KCNMA1: variants seen among roughly 807,000 people sequenced by gnomAD.
KCNMA1 encodes Calcium-activated potassium channel subunit alpha-1.
In KCNMA1, 29 loss-of-function variants were observed where a neutral mutation model predicts 140.0. That is an observed-to-expected ratio of 0.21 (90% confidence interval 0.15 to 0.28). The LOEUF (loss-of-function observed/expected upper bound fraction) is 0.28, where lower values mean the gene tolerates loss of function less well. Among genes scored for constraint, KCNMA1 ranks in the 10% least tolerant of loss-of-function variants. The probability of loss-of-function intolerance (pLI) is 1.00; values close to 1 mark genes in which losing one functional copy is unlikely to be tolerated. For missense variants in KCNMA1, 880 were observed against 1,602.2 expected (o/e 0.55, Z 7.70); for synonymous variants, 612 against 611.9 (o/e 1.00, Z 0.00).
At chr10:77,490,209 T>C (rs2098515443) in intron 1 of KCNMA1, among the ~76,000 whole-genome samples, 1 of 152,212 alleles carries the variant, frequency 6.6e-6, no homozygotes, top group African/African-American at 2.4e-5. Context: ...TCGAGAATTA[T>C]TGGGTTTACA....
intron 19 of KCNMA1, among the ~76,000 whole-genome samples, chr10:76,982,924 C>T (rs751459952): frequency 1.3e-5 from 2 of 152,070 alleles, no homozygotes; most frequent in Non-Finnish European, 1.5e-5. Flanking sequence ...AGAGCTTATT[C>T]AACAGGAAAA....
intron 2 of KCNMA1, among the ~76,000 whole-genome samples, chr10:77,344,940 A>G (rs985144223): frequency 6.6e-6 from 1 of 152,194 alleles, no homozygotes. Context: ...TAATAATAAC[A>G]ATCATGTGTT....
intron 2 of KCNMA1, among the ~76,000 whole-genome samples, chr10:77,261,085 A>C (rs2061887289): frequency 6.6e-6 from 1 of 152,184 alleles, no homozygotes; most frequent in Non-Finnish European, 1.5e-5. Flanking sequence ...GGTCTCTATC[A>C]GTATTTATTA....
chr10:77,187,815 T>C (rs1274509410), intron 3 of KCNMA1, among the ~76,000 whole-genome samples: 1 of 152,102 alleles, frequency 6.6e-6, no homozygotes, highest in East Asian at 1.9e-4. Context: ...GAACTGTTTA[T>C]CAGATCCCCT....
chr10:76,969,179 G>A (rs1329669656), intron 20 of KCNMA1, among the ~76,000 whole-genome samples: 1 of 148,234 alleles, frequency 6.7e-6, no homozygotes, highest in African/African-American at 2.5e-5. Flanking sequence ...GCAGAACGCT[G>A]TTGAAATTTG....
intron 6 of KCNMA1, among the ~76,000 whole-genome samples, chr10:77,115,806 A>G (rs2097448007): frequency 6.6e-6 from 1 of 152,204 alleles, no homozygotes; most frequent in South Asian, 2.1e-4. Context: ...TATTTTTATG[A>G]CATCAGTATT....
intron 5 of KCNMA1, among the ~76,000 whole-genome samples, chr10:77,172,730 A>G (rs1437005250): frequency 6.6e-6 from 1 of 151,908 alleles, no homozygotes; most frequent in Non-Finnish European, 1.5e-5. Flanking sequence ...AGCCAAGAGT[A>G]GAGCCCCATG....
chr10:77,307,771 G>A (rs967457598), intron 2 of KCNMA1, among the ~76,000 whole-genome samples: 2 of 152,046 alleles, frequency 1.3e-5, no homozygotes, highest in Admixed American at 6.6e-5. Context: ...GGATGGTCTC[G>A]ATCTCCTGAC....
chr10:77,426,441 G>A (rs1161838420), intron 1 of KCNMA1, among the ~76,000 whole-genome samples: 2 of 152,156 alleles, frequency 1.3e-5, no homozygotes, highest in African/African-American at 2.4e-5. Context: ...TTTTACGGAT[G>A]AGGAAAATAG....
In KCNMA1 at chr10:77,146,742, G is replaced by GAAA. The variant is rs1564814748; in HGVS notation, c.809-25695_809-25694insTTT. Among the ~76,000 whole-genome samples the GAAA allele has an allele frequency of 5.9e-4, 74 of 125,286 alleles. 2 individuals carry two copies. The highest frequency in any genetic ancestry group is 2.0e-3 in the African/African-American group (66 of 32,440). The allele number at this position is 125,286 out of a possible 152,430, so 82.2% of individuals were successfully genotyped here. A position where few individuals can be genotyped will look rare whatever the true frequency, so the allele number is the denominator to read the frequency against. Reference sequence around the variant, plus strand: ...AAAAAAAAAAAAAAGAAAGAAAGAAGGAAAGAAAAAAGATGAGAATTATGC... The same window carrying GAAA: ...AAAAAAAAAAAAAAGAAAGAAAGAAGAAAGAAAGAAAAAAGATGAGAATTATGC... On this transcript the variant is annotated intron_variant, in intron 5 of 27. Transcript: ENST00000286628.
At chr10:77,636,327 C>A in intron 1 of KCNMA1, 1 of 1,521,552 alleles carries the variant, frequency 6.6e-7, no homozygotes, top group Admixed American at 2.0e-5. Flanking sequence ...GTGAGCCTAG[C>A]AACCATACAT....
At chr10:77,344,180 C>T (rs373099937) in intron 2 of KCNMA1, among the ~76,000 whole-genome samples, 1 of 152,204 alleles carries the variant, frequency 6.6e-6, no homozygotes. Flanking sequence ...AGCCTAACTG[C>T]CTCGGCCACC....
intron 25 of KCNMA1, among the ~76,000 whole-genome samples, chr10:76,905,952 G>T (rs535388665): frequency 6.6e-5 from 10 of 152,336 alleles, no homozygotes; most frequent in African/African-American, 2.4e-4. Flanking sequence ...TACAGAGCTT[G>T]TCAAGTGCTA....
chr10:76,887,150 T>G lies in KCNMA1; in HGVS notation c.*116A>C. The G allele has an allele frequency of 6.2e-7, 1 of 1,607,270 alleles. No homozygotes were observed. The highest frequency in any genetic ancestry group is 8.5e-7 in the Non-Finnish European group (1 of 1,178,820). On this transcript the variant is annotated 3_prime_UTR_variant, in exon 28 of 28. Coordinates refer to ENST00000286628, the MANE Select transcript of KCNMA1 (RefSeq NM_001161352.2). ...ACACTATCATACATATGCAAATATG[T>G]GTAAAAAAAAAGGGGGGGACTACAG...
chr10:77,170,792 C>A (rs2098698139), intron 5 of KCNMA1, among the ~76,000 whole-genome samples: 2 of 152,124 alleles, frequency 1.3e-5, no homozygotes, highest in Admixed American at 6.5e-5. Flanking sequence ...CAAAGGTGCT[C>A]ATTCTTACTA....
chr10:77,549,615 CTAAGATGAG>C (rs2062260988), intron 1 of KCNMA1, among the ~76,000 whole-genome samples: 1 of 152,232 alleles, frequency 6.6e-6, no homozygotes, highest in Non-Finnish European at 1.5e-5. Context: ...GGTCTGTGAG[CTAAGATGAG>C]CTATGCCCTA....
chr10:77,402,013 A>T (rs1237891946), intron 2 of KCNMA1, among the ~76,000 whole-genome samples: 4 of 152,242 alleles, frequency 2.6e-5, no homozygotes, highest in Non-Finnish European at 5.9e-5. Context: ...TAACTCTTGC[A>T]ATGCTGATGA....
At position 77,227,803 on chromosome 10, in the gene KCNMA1, C is replaced by T. The variant is rs573477791; in HGVS notation, c.602+23392G>A. ...TGGGAGTACTTCTGCCACTTCCCAG[C>T]TGTCACTTTAAGCAAGATACTTTAG... On this transcript the variant is annotated intron_variant, in intron 3 of 27. Transcript: ENST00000286628. Among the ~76,000 whole-genome samples, 4 of 152,180 alleles carry T rather than the reference C, an allele frequency of 2.6e-5. No homozygotes were observed. The South Asian group carries it at 8.3e-4, about 32-fold the overall frequency.
intron 18 of KCNMA1, 74 bp downstream of exon 18, chr10:77,011,893 A>C: frequency 7.8e-7 from 1 of 1,287,272 alleles, no homozygotes. Context: ...TTCTCTAATA[A>C]GAAAAGGGAA....
Sources: gnomAD v4.1 joint callset for allele counts (sites outside exome capture counted in the v4.1 genomes callset) on GRCh38, gnomAD v4.1.1 for gene constraint, MANE v1.5 for transcripts, NCBI Gene and HGNC (gene_info 2026-07-23, HGNC 2026-07-21) for gene names.